The following TTLL11 variants were observed in gnomAD, a reference collection of about 807,000 sequenced individuals.
The protein encoded by TTLL11 is tubulin polyglutamylase TTLL11.
A neutral mutation model predicts 51.7 loss-of-function variants in TTLL11; 42 were observed. The observed-to-expected ratio is 0.81, with a 90% CI of 0.64 to 1.05. The LOEUF is 1.05. Ranked by LOEUF, TTLL11 falls within the 50% of genes least tolerant of loss-of-function variation. The pLI is 0.00. For synonymous variants in TTLL11, 381 were observed against 383.5 expected (o/e 0.99, Z 0.08); for missense variants, 799 against 940.4 (o/e 0.85, Z 1.97).
intron 6 of TTLL11, among the ~76,000 whole-genome samples, chr9:121,953,080 T>C (rs1053809476): frequency 7.2e-5 from 11 of 152,206 alleles, no homozygotes; most frequent in Admixed American, 6.5e-4. Context: ...GTGTGATAAA[T>C]AGCCCCATAC....
intron 4 of TTLL11, among the ~76,000 whole-genome samples, chr9:121,985,512 T>A (rs1842919958): frequency 7.3e-6 from 1 of 137,606 alleles, no homozygotes; most frequent in Non-Finnish European, 1.5e-5. Flanking sequence ...CATTTTCTTT[T>A]CTTTTTTTTT....
intron 6 of TTLL11, among the ~76,000 whole-genome samples, chr9:121,918,649 A>C (rs1840424247): frequency 6.6e-6 from 1 of 152,140 alleles, no homozygotes; most frequent in Non-Finnish European, 1.5e-5. Flanking sequence ...ATTTCACTTC[A>C]TTTCTTCTCT....
chr9:121,830,389 T>C (rs940801939), intron 8 of TTLL11, among the ~76,000 whole-genome samples: 2 of 152,180 alleles, frequency 1.3e-5, no homozygotes, highest in Non-Finnish European at 2.9e-5. Context: ...TCCCAGGTGA[T>C]GCTGAATCCC....
intron 6 of TTLL11, among the ~76,000 whole-genome samples, chr9:121,880,804 C>T (rs972029639): frequency 1.3e-5 from 2 of 152,204 alleles, no homozygotes; most frequent in Non-Finnish European, 2.9e-5. Context: ...ATTAGTTAGT[C>T]ACAGTTACTA....
intron 1 of TTLL11, among the ~76,000 whole-genome samples, chr9:122,084,631 T>G (rs910982934): frequency 2.0e-5 from 3 of 152,194 alleles, no homozygotes; most frequent in Non-Finnish European, 2.9e-5. Context: ...TGTTACAAAA[T>G]TTAATTAAGA....
chr9:122,023,985 C>G (rs11506794), intron 3 of TTLL11, among the ~76,000 whole-genome samples: 59,916 of 151,870 alleles, frequency 0.39, 13,854 homozygotes, highest in African/African-American at 0.64. Flanking sequence ...AAGAAATAAA[C>G]GGCTAATTAC....
At chr9:121,981,135 G>T (rs1842818075) in intron 4 of TTLL11, among the ~76,000 whole-genome samples, 2 of 146,542 alleles carry the variant, frequency 1.4e-5, no homozygotes, top group African/African-American at 5.0e-5. Context: ...TTCTTCAAAA[G>T]TTTTTTTTTT....
chr9:121,953,561 G>A (rs1343724153), intron 6 of TTLL11, among the ~76,000 whole-genome samples: 2 of 150,178 alleles, frequency 1.3e-5, no homozygotes, highest in East Asian at 2.0e-4. Context: ...GAACCCAGGA[G>A]GCGGAGGTTT....
chr9:122,060,471 A>G (rs1266767351), intron 1 of TTLL11, among the ~76,000 whole-genome samples: 1 of 152,210 alleles, frequency 6.6e-6, no homozygotes, highest in African/African-American at 2.4e-5. Flanking sequence ...CTGGTAGAGC[A>G]TGGGAAAGCC....
chr9:121,886,581 C>G (rs878906908), intron 6 of TTLL11, among the ~76,000 whole-genome samples: 1 of 152,190 alleles, frequency 6.6e-6, no homozygotes, highest in Admixed American at 6.5e-5. Context: ...ACACCCTGCT[C>G]TCAGACTTCT....
At chr9:122,045,254 CA>C (rs1844972263) in intron 1 of TTLL11, among the ~76,000 whole-genome samples, 1 of 151,540 alleles carries the variant, frequency 6.6e-6, no homozygotes, top group South Asian at 2.1e-4. Context: ...GTGTATCCCC[CA>C]AAAGAATTGA....
rs528490038 is a variant in TTLL11, at chr9:121,980,232, G to C, written c.1270-5253C>G. Among the ~76,000 whole-genome samples, 140 of 152,114 alleles carry C rather than the reference G, an allele frequency of 9.2e-4. No homozygotes were observed. In the Middle Eastern group the frequency reaches 0.01, roughly 11 times the overall value. On this transcript the variant is annotated intron_variant, in intron 4 of 8. Coordinates refer to ENST00000321582, the MANE Select transcript of TTLL11 (RefSeq NM_001139442.2). Reference sequence around the variant, plus strand: ...GCAAAATAAGTTTTTTATTGAAAAAGATAAATTCAGAGAATGAGATTTGGA... The same window carrying C: ...GCAAAATAAGTTTTTTATTGAAAAACATAAATTCAGAGAATGAGATTTGGA...
chr9:122,022,048 A>T (rs962821994), intron 3 of TTLL11, among the ~76,000 whole-genome samples: 8 of 152,242 alleles, frequency 5.3e-5, no homozygotes, highest in Non-Finnish European at 7.3e-5. Context: ...AGAATGAAAA[A>T]AATGAGTGAA....
intron 7 of TTLL11, among the ~76,000 whole-genome samples, chr9:121,862,765 T>C (rs1159528139): frequency 1.3e-5 from 2 of 152,254 alleles, no homozygotes; most frequent in Non-Finnish European, 2.9e-5. Context: ...CTACATTCAA[T>C]GCCGCTTTCA....
intron 6 of TTLL11, among the ~76,000 whole-genome samples, chr9:121,922,298 C>T (rs926115433): frequency 9.9e-5 from 15 of 152,170 alleles, no homozygotes; most frequent in African/African-American, 2.9e-4. Flanking sequence ...CCCATGATTT[C>T]CCTTTCTGTG....
chr9:121,922,313 C>T (rs1312166186), intron 6 of TTLL11, among the ~76,000 whole-genome samples: 1 of 152,144 alleles, frequency 6.6e-6, no homozygotes, highest in African/African-American at 2.4e-5. Context: ...TCTGTGTGTG[C>T]ATCTATACTT....
chr9:121,998,386 A>G lies in TTLL11; in HGVS notation c.694-8616T>C, dbSNP rs929012097. 2.6e-5 allele frequency among the ~76,000 whole-genome samples: 4 copies of G among 152,180 alleles called. No homozygotes were observed. In the East Asian group the frequency reaches 7.7e-4, roughly 29 times the overall value. ...ACTGCAACCTCCGCCTCCTGGGTTC[A>G]AGCGATTCTCGTGCCTCAGCCTCCC... On this transcript the variant is annotated intron_variant, in intron 3 of 8. Coordinates refer to ENST00000321582, the MANE Select transcript of TTLL11 (RefSeq NM_001139442.2).
At chr9:121,934,550 C>T (rs1000258792) in intron 6 of TTLL11, among the ~76,000 whole-genome samples, 5 of 152,198 alleles carry the variant, frequency 3.3e-5, no homozygotes, top group Non-Finnish European at 4.4e-5. Flanking sequence ...ATGTTGTTGG[C>T]TGTTTTCCTC....
chr9:122,093,248 ACG>A lies in TTLL11; in HGVS notation c.-102_-101del. 6.6e-7 allele frequency: 1 copy of A among 1,508,948 alleles called. No individual in the cohort carries two copies. Among genetic ancestry groups the A allele is most frequent in the Non-Finnish European group, 8.8e-7 (1 of 1,141,224 alleles). 93.5% of individuals were successfully genotyped at this position (1,508,948 alleles called of 1,614,324 possible). Reference sequence around the variant, plus strand: ...AACTGCCGCCGCTGCAGCCGCTGCCACGCGTTCCCCGCCCGAGCCCGTTGCCA... The same window carrying A: ...AACTGCCGCCGCTGCAGCCGCTGCCACGTTCCCCGCCCGAGCCCGTTGCCA... On this transcript the variant is annotated 5_prime_UTR_variant, in exon 1 of 9. The change abolishes the stop of an existing upstream ORF in the 5' untranslated region. Coordinates refer to ENST00000321582, the MANE Select transcript of TTLL11 (RefSeq NM_001139442.2).
Sources: allele counts gnomAD v4.1 joint callset (sites outside exome capture counted in the v4.1 genomes callset), GRCh38; gene constraint gnomAD v4.1.1; transcripts MANE v1.5; gene names NCBI Gene and HGNC (gene_info 2026-07-23, HGNC 2026-07-21).